FAM240A: variants seen among roughly 807,000 people sequenced by gnomAD.
The protein encoded by FAM240A is family with sequence similarity 240 member A.
In FAM240A, 8 loss-of-function variants were observed where a neutral mutation model predicts 7.3. The ratio of observed to expected loss-of-function variants is 1.09; its 90% CI spans 0.64 to 1.97. The LOEUF (loss-of-function observed/expected upper bound fraction) is 1.97, where lower values mean the gene tolerates loss of function less well. Among genes scored for constraint, FAM240A ranks in the 30% most tolerant of loss-of-function variants. FAM240A has a pLI of 0.00. For synonymous variants in FAM240A, 32 were observed against 35.9 expected, an observed-to-expected ratio of 0.89 and a Z score of 0.38; for missense variants, 90 against 102.2, an observed-to-expected ratio of 0.88 and a Z score of 0.52.
chr3:46,621,910 A>G (rs1178485804), intron 2 of FAM240A, among the ~76,000 whole-genome samples: 2 of 151,792 alleles, frequency 1.3e-5, no homozygotes, highest in African/African-American at 2.4e-5. Context: ...AGAGTGCTTT[A>G]TGATTTCCCT....
intron 2 of FAM240A, among the ~76,000 whole-genome samples, chr3:46,618,300 T>C (rs904764718): frequency 6.6e-6 from 1 of 152,184 alleles, no homozygotes; most frequent in Non-Finnish European, 1.5e-5. Context: ...AGTACAGAAG[T>C]AGGGCATAGA....
chr3:46,620,640 A>G (rs1697683567), intron 2 of FAM240A, among the ~76,000 whole-genome samples: 1 of 152,170 alleles, frequency 6.6e-6, no homozygotes, highest in South Asian at 2.1e-4. Flanking sequence ...CTGGCAGAAC[A>G]AACAATCTGG....
Position 46,624,963 on chromosome 3 carries a change from T to TTATATATATATA in FAM240A, c.162-157_162-146dup, listed in dbSNP as rs10539495. ...ATATAAATAAATAAATATGAATAAA[T>TTATATATATATA]TATATATATATATATATATTTAAAC... On this transcript the variant is annotated intron_variant, in intron 2 of 2. Transcript: ENST00000640551. Among the ~76,000 whole-genome samples, 540 of 146,610 alleles carry TTATATATATATA rather than the reference T, an allele frequency of 3.7e-3. 3 individuals are homozygous for TTATATATATATA. The highest frequency in any genetic ancestry group is 0.012 in the African/African-American group (496 of 40,212).
chr3:46,614,085 A>T (rs1166189865), intron 1 of FAM240A, among the ~76,000 whole-genome samples: 4 of 151,846 alleles, frequency 2.6e-5, no homozygotes, highest in Non-Finnish European at 5.9e-5. Flanking sequence ...CGCCCAGCTA[A>T]TTTTTTATTT....
rs909256490 is a variant in FAM240A at position 46,617,142 on chromosome 3, A to T, written c.16-41A>T. 25 of 1,324,534 alleles carry T rather than the reference A, an allele frequency of 1.9e-5. No individual in the cohort carries two copies. The African/African-American group carries it at 3.5e-4, about 19-fold the overall frequency. 82.0% of individuals were successfully genotyped at this position (1,324,534 alleles called of 1,614,324 possible). On this transcript the variant is annotated intron_variant, in intron 1 of 2. Coordinates refer to ENST00000640551, the MANE Select transcript of FAM240A (RefSeq NM_001195442.2). The stretch of plus-strand genomic sequence containing the variant: ...GATGAGTGATGTTGAGCATTTCTTC[A>T]TATGTTTTTTGGTTATTTGTATGGC...
intron 1 of FAM240A, among the ~76,000 whole-genome samples, chr3:46,613,822 C>T (rs1697597289): frequency 6.6e-6 from 1 of 152,236 alleles, no homozygotes; most frequent in African/African-American, 2.4e-5. Context: ...CAGTGCCTCA[C>T]TCCCTGTTAT....
intron 2 of FAM240A, among the ~76,000 whole-genome samples, chr3:46,623,314 CAGAATATTTTCTATCTTCGTA>C (rs1697717755): frequency 6.6e-6 from 1 of 151,900 alleles, no homozygotes; most frequent in African/African-American, 2.4e-5. Context: ...TTTTATAGCC[CAGAATATTTTCTATCTTCGTA>C]AATATTCCAT....
At chr3:46,622,343 T>G (rs1225692294) in intron 2 of FAM240A, among the ~76,000 whole-genome samples, 3 of 152,024 alleles carry the variant, frequency 2.0e-5, no homozygotes, top group Non-Finnish European at 4.4e-5. Context: ...TCTGACCTCG[T>G]GATCTGCCCG....
rs150495935 is a variant in FAM240A, at chr3:46,614,584, C to T, written c.15+1886C>T. 7.0e-4 allele frequency among the ~76,000 whole-genome samples: 106 copies of T among 152,288 alleles called. 1 individual carries two copies. The highest frequency in any genetic ancestry group is 1.8e-3 in the African/African-American group (73 of 41,552). On this transcript the variant is annotated intron_variant, in intron 1 of 2. Transcript: ENST00000640551. ...TATTTCTTAGAAAAACATGTATCTC[C>T]CATTTTACACATGTGGGACACCTCC...
At chr3:46,621,463 T>C (rs1697694354) in intron 2 of FAM240A, among the ~76,000 whole-genome samples, 1 of 152,248 alleles carries the variant, frequency 6.6e-6, no homozygotes, top group Non-Finnish European at 1.5e-5. Flanking sequence ...TTTAGATGTG[T>C]CTTTTTTAAA....
At chr3:46,623,123 T>C (rs1476865895) in intron 2 of FAM240A, among the ~76,000 whole-genome samples, 1 of 152,170 alleles carries the variant, frequency 6.6e-6, no homozygotes, top group Non-Finnish European at 1.5e-5. Flanking sequence ...TTTGATATTA[T>C]TATAATTGCT....
In FAM240A at chr3:46,626,215, A is replaced by C. The variant is rs1697760078; in HGVS notation, c.*997A>C. On this transcript the variant is annotated 3_prime_UTR_variant, in exon 3 of 3. Coordinates refer to ENST00000640551, the MANE Select transcript of FAM240A (RefSeq NM_001195442.2). ...GACAGCAATAACAAGATAATAAGTT[A>C]AGCAAATACACTGAGAATGACATTA... 2 of 152,192 alleles carry C rather than the reference A, an allele frequency of 1.3e-5. No homozygotes were observed. Among genetic ancestry groups the C allele is most frequent in the Admixed American group, 1.3e-4 (2 of 15,282 alleles). The allele number at this position is 152,192 out of a possible 1,614,324, so 9.4% of individuals were successfully genotyped here. A position where few individuals can be genotyped will look rare whatever the true frequency, so the allele number is the denominator to read the frequency against.
At chr3:46,620,959 A>G (rs1697687213) in intron 2 of FAM240A, among the ~76,000 whole-genome samples, 1 of 152,196 alleles carries the variant, frequency 6.6e-6, no homozygotes, top group South Asian at 2.1e-4. Flanking sequence ...TTTAACATGC[A>G]GGAGAAGGGA....
intron 1 of FAM240A, among the ~76,000 whole-genome samples, chr3:46,616,650 G>T (rs930815240): frequency 1.3e-5 from 2 of 150,688 alleles, no homozygotes; most frequent in African/African-American, 4.9e-5. Context: ...TGCTGCAAAA[G>T]ACATTATTTT....
chr3:46,623,865 A>G (rs1331408809), intron 2 of FAM240A, among the ~76,000 whole-genome samples: 2 of 152,198 alleles, frequency 1.3e-5, no homozygotes, highest in Admixed American at 1.3e-4. Context: ...TGTTTACACC[A>G]TTAACATTAA....
rs9838935 is a variant in FAM240A at position 46,618,871 on chromosome 3, A to G, written c.161+1543A>G. On this transcript the variant is annotated intron_variant, in intron 2 of 2. Coordinates refer to ENST00000640551, the MANE Select transcript of FAM240A (RefSeq NM_001195442.2). ...GAAAAAAAGATATATATATATGTAT[A>G]TATATATATATACACACACACACAC... Among the ~76,000 whole-genome samples the G allele has an allele frequency of 4.6e-4, 11 of 24,112 alleles. 1 individual carries two copies. Among genetic ancestry groups the G allele is most frequent in the East Asian group, 1.1e-3 (1 of 930 alleles). The allele number at this position is 24,112 out of a possible 152,430, so 15.8% of individuals were successfully genotyped here. A position where few individuals can be genotyped will look rare whatever the true frequency, so the allele number is the denominator to read the frequency against.
intron 2 of FAM240A, among the ~76,000 whole-genome samples, chr3:46,622,013 A>G (rs528979048): frequency 1.3e-5 from 1 of 74,106 alleles, no homozygotes; most frequent in East Asian, 3.3e-4. Flanking sequence ...TTCTTCTCTC[A>G]TCTTATCATT....
chr3:46,621,359 G>T (rs971141064), intron 2 of FAM240A, among the ~76,000 whole-genome samples: 4 of 151,528 alleles, frequency 2.6e-5, no homozygotes, highest in Admixed American at 1.3e-4. Context: ...TATATTGTCT[G>T]TTAATATAGC....
chr3:46,622,964 G>T (rs544224670), intron 2 of FAM240A, among the ~76,000 whole-genome samples: 1 of 152,104 alleles, frequency 6.6e-6, no homozygotes, highest in Admixed American at 6.5e-5. Flanking sequence ...GAGAAATGAC[G>T]TCCTAATAAT....
Sources: allele counts gnomAD v4.1 joint callset (sites outside exome capture counted in the v4.1 genomes callset), GRCh38; gene constraint gnomAD v4.1.1; transcripts MANE v1.5; gene names NCBI Gene and HGNC (gene_info 2026-07-23, HGNC 2026-07-21).